Variants in SEMA3D observed in about 807,000 individuals in gnomAD.
SEMA3D encodes semaphorin-3D.
SEMA3D carries 84 observed loss-of-function variants against 100.1 expected under a neutral mutation model. The ratio of observed to expected loss-of-function variants is 0.84; its 90% CI spans 0.70 to 1.01. The LOEUF (loss-of-function observed/expected upper bound fraction) is 1.01, where lower values mean the gene tolerates loss of function less well. Ranked by LOEUF, SEMA3D falls within the 50% of genes least tolerant of loss-of-function variation. The pLI is 0.00. For missense variants in SEMA3D, 875 were observed against 934.1 expected (o/e 0.94, Z 0.82); for synonymous variants, 312 against 320.7 (o/e 0.97, Z 0.29).
At chr7:85,171,378 A>G (rs996004604) in intron 1 of SEMA3D, among the ~76,000 whole-genome samples, 3 of 152,020 alleles carry the variant, frequency 2.0e-5, no homozygotes, top group African/African-American at 7.2e-5. Flanking sequence ...GAATGTAGTG[A>G]GAGGAGGAGA....
chr7:85,135,540 G>A (rs190553823), intron 2 of SEMA3D, among the ~76,000 whole-genome samples: 47 of 151,788 alleles, frequency 3.1e-4, no homozygotes, highest in African/African-American at 1.0e-3. Context: ...AAGCATTAGG[G>A]GAGATAGCTA....
At chr7:85,183,059 C>A (rs531785704) in intron 1 of SEMA3D, among the ~76,000 whole-genome samples, 3 of 152,244 alleles carry the variant, frequency 2.0e-5, no homozygotes, top group African/African-American at 7.2e-5. Context: ...TAACAAACAA[C>A]CCGAAGACAT....
In SEMA3D at chr7:85,033,858, T is replaced by TACACACACACACACAC. The variant is rs71082183; in HGVS notation, c.1191+3015_1191+3030dup. Among the ~76,000 whole-genome samples the TACACACACACACACAC allele has an allele frequency of 1.6e-3, 223 of 141,184 alleles. 1 individual carries two copies. Among genetic ancestry groups the TACACACACACACACAC allele is most frequent in the African/African-American group, 4.0e-3 (155 of 38,486 alleles). The allele number at this position is 141,184 out of a possible 152,430, so 92.6% of individuals were successfully genotyped here. On this transcript the variant is annotated intron_variant, in intron 12 of 18. Coordinates refer to ENST00000284136, the MANE Select transcript of SEMA3D (RefSeq NM_001384900.1). ...GTTTTCCCAATTTTAATCACACACA[T>TACACACACACACACAC]ACACACACACACACACACACACACA...
At chr7:85,176,797 G>T (rs201731844) in intron 1 of SEMA3D, among the ~76,000 whole-genome samples, 41,451 of 135,046 alleles carry the variant, frequency 0.31, 6,399 homozygotes, top group Admixed American at 0.42. Flanking sequence ...TATATATAGA[G>T]AGAGAGAGAG....
Position 84,999,856 on chromosome 7 carries a change from C to G in SEMA3D, c.1918G>C (p.Asp640His), listed in dbSNP as rs770945330. Reference protein sequence around the residue: ...GDEHREELKPDERIIKTEYGL... With the variant: ...GDEHREELKPHERIIKTEYGL... ...TATTCCGTTTTGATGATTCTTTCAT[C>G]GGGCTTCAACTGCAGAATTGGAAAA... is the stretch of plus-strand genomic sequence containing the variant. Residue 640 changes from aspartate to histidine, a missense_variant, in exon 19 of 19, where the codon GAT becomes CAT. By Grantham distance (81) the Asp-to-His change is moderately conservative. Coordinates refer to ENST00000284136, the MANE Select transcript of SEMA3D (RefSeq NM_001384900.1). The G allele has an allele frequency of 1.2e-6, 2 of 1,611,720 alleles. No individual in the cohort carries two copies. Among genetic ancestry groups the G allele is most frequent in the Non-Finnish European group, 1.7e-6 (2 of 1,178,398 alleles).
chr7:85,020,980 T>C (rs1790239139), intron 13 of SEMA3D, among the ~76,000 whole-genome samples: 1 of 151,380 alleles, frequency 6.6e-6, no homozygotes, highest in Non-Finnish European at 1.5e-5. Context: ...TCATCTTACA[T>C]TGAAATTAAA....
rs142999091 is a variant in SEMA3D, at chr7:85,172,481, T to A, written c.-173+14197A>T. On this transcript the variant is annotated intron_variant, in intron 1 of 18. Coordinates refer to ENST00000284136, the MANE Select transcript of SEMA3D (RefSeq NM_001384900.1). ...AAACATTGATTAACATACTTTGCTG[T>A]TTCTATTAAACTGTATTCTGAGGAA... 1.6e-3 allele frequency among the ~76,000 whole-genome samples: 250 copies of A among 152,038 alleles called. 2 individuals carry two copies. Among genetic ancestry groups the A allele is most frequent in the East Asian group, 0.014 (72 of 5,152 alleles).
the SEMA3D span, among the ~76,000 whole-genome samples, chr7:85,248,949 A>G: frequency 3.3e-5 from 5 of 152,214 alleles, no homozygotes; most frequent in African/African-American, 1.2e-4. Context: ...ATACAACACC[A>G]AGAGTGAACC....
At chr7:85,119,927 C>T (rs896344374) in intron 3 of SEMA3D, among the ~76,000 whole-genome samples, 5 of 151,820 alleles carry the variant, frequency 3.3e-5, no homozygotes, top group African/African-American at 9.7e-5. Flanking sequence ...CCCGTTTGCC[C>T]CAAACCCTTT....
chr7:85,185,773 G>T (rs553447597), intron 1 of SEMA3D, among the ~76,000 whole-genome samples: 3 of 152,280 alleles, frequency 2.0e-5, no homozygotes, highest in Non-Finnish European at 4.4e-5. Context: ...AAACAGTGCC[G>T]AAAACGGCCC....
intron 2 of SEMA3D, among the ~76,000 whole-genome samples, chr7:85,131,119 C>T (rs1434920832): frequency 3.3e-5 from 5 of 151,912 alleles, no homozygotes; most frequent in Admixed American, 6.6e-5. Flanking sequence ...TATTAAAACT[C>T]GATTTAAGAA....
chr7:85,029,120 C>A, intron 12 of SEMA3D: 1 of 606,690 alleles, frequency 1.6e-6, no homozygotes, highest in South Asian at 1.7e-5. Context: ...ACTACCTACT[C>A]TGACAAGCCT....
the SEMA3D span, among the ~76,000 whole-genome samples, chr7:85,221,970 T>C: frequency 1.3e-5 from 2 of 152,048 alleles, no homozygotes; most frequent in South Asian, 4.1e-4. Context: ...CACATAATAA[T>C]CATTGCAGAT....
At chr7:85,085,957 C>G (rs1381873288) in intron 4 of SEMA3D, among the ~76,000 whole-genome samples, 1 of 152,004 alleles carries the variant, frequency 6.6e-6, no homozygotes, top group Non-Finnish European at 1.5e-5. Flanking sequence ...TTGATGAAGC[C>G]ATACAACTAA....
chr7:85,054,639 A>G (rs1791257511), intron 9 of SEMA3D, among the ~76,000 whole-genome samples: 1 of 152,128 alleles, frequency 6.6e-6, no homozygotes, highest in Admixed American at 6.6e-5. Flanking sequence ...TTTTAAGTGC[A>G]ATGATGGTTT....
intron 3 of SEMA3D, among the ~76,000 whole-genome samples, chr7:85,113,441 T>G (rs17561700): frequency 0.13 from 20,077 of 151,940 alleles, 1,692 homozygotes; most frequent in Non-Finnish European, 0.2. Flanking sequence ...ATAAAATGGT[T>G]ATTACAACTC....
chr7:85,242,269 T>G, the SEMA3D span, among the ~76,000 whole-genome samples: 25 of 152,302 alleles, frequency 1.6e-4, no homozygotes, highest in South Asian at 5.2e-3. Flanking sequence ...ACACTTAGAT[T>G]AATAATTTTA....
At chr7:85,242,154 A>G in the SEMA3D span, among the ~76,000 whole-genome samples, 18 of 152,000 alleles carry the variant, frequency 1.2e-4, no homozygotes, top group Admixed American at 5.2e-4. Context: ...GATTTTCTGT[A>G]TTGATTCCTT....
intron 9 of SEMA3D, among the ~76,000 whole-genome samples, chr7:85,053,756 C>G (rs1336089209): frequency 6.6e-6 from 1 of 152,000 alleles, no homozygotes; most frequent in Non-Finnish European, 1.5e-5. Context: ...TGAAGATGTG[C>G]TCATTTAAAA....
Sources: allele counts gnomAD v4.1 joint callset (sites outside exome capture counted in the v4.1 genomes callset), GRCh38; gene constraint gnomAD v4.1.1; transcripts MANE v1.5; gene names NCBI Gene and HGNC (gene_info 2026-07-23, HGNC 2026-07-21).